LEKR1: variants seen among roughly 807,000 people sequenced by gnomAD.
The protein encoded by LEKR1 is leucine, glutamate and lysine rich 1, also known as protein LEKR1.
In LEKR1, 59 loss-of-function variants were observed where a neutral mutation model predicts 72.4. The observed-to-expected ratio is 0.82, with a 90% CI of 0.66 to 1.01. LEKR1 has a LOEUF of 1.01. Ranked by LOEUF, LEKR1 falls within the 50% of genes least tolerant of loss-of-function variation. The probability of loss-of-function intolerance (pLI) is 0.00; values close to 1 mark genes in which losing one functional copy is unlikely to be tolerated. For missense variants in LEKR1, 728 were observed against 759.2 expected (o/e 0.96, Z 0.48); for synonymous variants, 257 against 263.2 (o/e 0.98, Z 0.23).
chr3:157,031,088 G>C (rs549718563), intron 12 of LEKR1, among the ~76,000 whole-genome samples: 1 of 152,244 alleles, frequency 6.6e-6, no homozygotes, highest in Admixed American at 6.5e-5. Context: ...AGGAGAGTAA[G>C]GATCATTAAG....
chr3:157,014,746 T>C (rs1451684925), intron 10 of LEKR1, among the ~76,000 whole-genome samples: 1 of 152,148 alleles, frequency 6.6e-6, no homozygotes, highest in Non-Finnish European at 1.5e-5. Context: ...GATCATCTCA[T>C]AAACCACTAA....
intron 6 of LEKR1, among the ~76,000 whole-genome samples, chr3:156,964,339 T>G (rs1728372623): frequency 6.6e-6 from 1 of 152,188 alleles, no homozygotes; most frequent in Non-Finnish European, 1.5e-5. Context: ...TTGTTTGGAT[T>G]AATCATAATT....
At position 157,028,181 on chromosome 3, in the gene LEKR1, C is replaced by T; in HGVS notation, c.1447C>T (p.His483Tyr). The T allele has an allele frequency of 6.2e-7, 1 of 1,611,632 alleles. No homozygotes were observed. Among genetic ancestry groups the T allele is most frequent in the South Asian group, 1.1e-5 (1 of 90,746 alleles). Residue 483 changes from histidine (H) to tyrosine (Y), a missense_variant, in exon 12 of 13, where the codon CAT (histidine) becomes TAT (tyrosine). Physicochemically the swap from His to Tyr is moderately conservative, Grantham distance 83. Coordinates refer to ENST00000356539, the MANE Select transcript of LEKR1 (RefSeq NM_001004316.3). Reference protein sequence around the residue: ...TTLKEKLHKSHIRYTEESNSK... With the variant: ...TTLKEKLHKSYIRYTEESNSK... ...TCTTAAAGAAAAACTTCACAAATCCCATATTCGGTACACTGAAGAATCTAA... is the reference window on the plus strand; with the variant it reads ...TCTTAAAGAAAAACTTCACAAATCCTATATTCGGTACACTGAAGAATCTAA...
At chr3:156,888,570 G>A (rs1448769980) in intron 3 of LEKR1, 15 of 519,298 alleles carry the variant, frequency 2.9e-5, no homozygotes, top group Non-Finnish European at 5.2e-5. Context: ...TTTGGGAGCT[G>A]CTTATATGAA....
At chr3:156,949,840 A>C (rs1726997129) in intron 6 of LEKR1, among the ~76,000 whole-genome samples, 1 of 151,224 alleles carries the variant, frequency 6.6e-6, no homozygotes, top group African/African-American at 2.4e-5. Context: ...ATAGGCCTTT[A>C]TTTCTTTATT....
At chr3:156,849,519 T>C (rs1715069904) in intron 2 of LEKR1, among the ~76,000 whole-genome samples, 1 of 152,174 alleles carries the variant, frequency 6.6e-6, no homozygotes, top group Non-Finnish European at 1.5e-5. Context: ...ACTACAAGGC[T>C]ACAGTAACCA....
intron 6 of LEKR1, among the ~76,000 whole-genome samples, chr3:156,962,553 A>G (rs1728217744): frequency 6.6e-6 from 1 of 152,178 alleles, no homozygotes; most frequent in Admixed American, 6.5e-5. Flanking sequence ...TTATAAAGGG[A>G]TCTCCTGTGG....
intron 7 of LEKR1, among the ~76,000 whole-genome samples, chr3:156,986,681 A>T (rs2108004794): frequency 6.6e-6 from 1 of 152,358 alleles, no homozygotes; most frequent in South Asian, 2.1e-4. Context: ...CTTAGTAGTT[A>T]CGTCAACTTG....
chr3:156,984,263 A>C (rs1730485214), intron 7 of LEKR1, among the ~76,000 whole-genome samples: 1 of 152,174 alleles, frequency 6.6e-6, no homozygotes, highest in African/African-American at 2.4e-5. Context: ...TCACTCTATT[A>C]TATATTGCTT....
chr3:156,964,845 C>T (rs1196624000), intron 6 of LEKR1, among the ~76,000 whole-genome samples: 1 of 152,058 alleles, frequency 6.6e-6, no homozygotes, highest in Admixed American at 6.5e-5. Context: ...GGAAAATGTC[C>T]TAAATATTTT....
chr3:156,866,007 T>C (rs1361262026), intron 3 of LEKR1, among the ~76,000 whole-genome samples: 1 of 152,090 alleles, frequency 6.6e-6, no homozygotes, highest in Non-Finnish European at 1.5e-5. Flanking sequence ...TGTTTAATGT[T>C]TGCATTCCTG....
At chr3:157,022,196 C>G (rs1733893684) in intron 10 of LEKR1, among the ~76,000 whole-genome samples, 1 of 152,130 alleles carries the variant, frequency 6.6e-6, no homozygotes, top group Non-Finnish European at 1.5e-5. Flanking sequence ...GGATGGGGTG[C>G]TTTGTCAGTT....
intron 6 of LEKR1, among the ~76,000 whole-genome samples, chr3:156,977,270 C>T (rs745879960): frequency 1.4e-4 from 21 of 152,158 alleles, no homozygotes; most frequent in Non-Finnish European, 2.5e-4. Context: ...AAATGAGTTA[C>T]CTCCAGCAGC....
intron 11 of LEKR1, 64 bp downstream of exon 11, chr3:157,024,988 C>A (rs1173830989): frequency 1.8e-6 from 2 of 1,088,098 alleles, no homozygotes; most frequent in African/African-American, 3.2e-5. Context: ...GTATATTTCG[C>A]CTTAGAACAC....
At chr3:156,951,648 G>A (rs1727167412) in intron 6 of LEKR1, among the ~76,000 whole-genome samples, 1 of 151,710 alleles carries the variant, frequency 6.6e-6, no homozygotes, top group South Asian at 2.1e-4. Context: ...TGTGTGCATA[G>A]AGGTATTTGT....
chr3:156,916,727 C>T (rs1311526492), intron 3 of LEKR1, among the ~76,000 whole-genome samples: 1 of 152,136 alleles, frequency 6.6e-6, no homozygotes, highest in African/African-American at 2.4e-5. Flanking sequence ...TTCCTCTCTT[C>T]CTATTTGGAT....
At chr3:156,849,440 A>G (rs1715055808) in intron 2 of LEKR1, among the ~76,000 whole-genome samples, 2 of 152,138 alleles carry the variant, frequency 1.3e-5, no homozygotes, top group Admixed American at 6.5e-5. Context: ...AAAAGAGCCC[A>G]CATTGCCAAG....
chr3:157,027,612 T>C (rs1734288870), intron 11 of LEKR1, among the ~76,000 whole-genome samples: 1 of 151,974 alleles, frequency 6.6e-6, no homozygotes, highest in African/African-American at 2.4e-5. Flanking sequence ...GCCCAGGAGT[T>C]TAAGACCAGC....
chr3:156,844,357 A>C (rs148914394), intron 2 of LEKR1, among the ~76,000 whole-genome samples: 117 of 152,294 alleles, frequency 7.7e-4, no homozygotes, highest in African/African-American at 2.7e-3. Flanking sequence ...AATCCCACTT[A>C]TTCGTCATCT....
Sources: gnomAD v4.1 joint callset for allele counts (sites outside exome capture counted in the v4.1 genomes callset) on GRCh38, gnomAD v4.1.1 for gene constraint, MANE v1.5 for transcripts, NCBI Gene and HGNC (gene_info 2026-07-23, HGNC 2026-07-21) for gene names.